The following RELN variants were observed in gnomAD, a reference collection of about 807,000 sequenced individuals.
RELN encodes reelin.
A neutral mutation model predicts 427.6 loss-of-function variants in RELN; 108 were observed. The ratio of observed to expected loss-of-function variants is 0.25; its 90% CI spans 0.22 to 0.30. The LOEUF (loss-of-function observed/expected upper bound fraction) is 0.30, where lower values mean the gene tolerates loss of function less well. RELN is among the 10% of genes least tolerant of loss of function. The probability of loss-of-function intolerance (pLI) is 1.00; values close to 1 mark genes in which losing one functional copy is unlikely to be tolerated. For synonymous variants in RELN, 1,524 were observed against 1,513.4 expected (o/e 1.01, Z -0.16); for missense variants, 3,715 against 4,302.8 (o/e 0.86, Z 3.82).
chr7:103,929,682 C>T (rs925549169), intron 1 of RELN, among the ~76,000 whole-genome samples: 1 of 152,148 alleles, frequency 6.6e-6, no homozygotes, highest in Non-Finnish European at 1.5e-5. Flanking sequence ...ACATCACTAC[C>T]TTCAGCACTT....
intron 20 of RELN, among the ~76,000 whole-genome samples, chr7:103,624,861 TG>T (rs1832295169): frequency 6.6e-6 from 1 of 152,130 alleles, no homozygotes; most frequent in Non-Finnish European, 1.5e-5. Flanking sequence ...GATTTACTTG[TG>T]TTTTAAAAAA....
In RELN at chr7:103,749,454, GGTA is replaced by G; in HGVS notation, c.625_627del (p.Tyr209del). On this transcript the variant is annotated inframe_deletion, in exon 6 of 65. Coordinates refer to ENST00000428762, the MANE Select transcript of RELN (RefSeq NM_005045.4). ...ATATTTGGATTTAATTGCAGTTGGTGGTAGGAGTCAAAGTCATCTCTCAGGATA... is the reference window on the plus strand; with the variant it reads ...ATATTTGGATTTAATTGCAGTTGGTGGGAGTCAAAGTCATCTCTCAGGATA... 6.2e-7 allele frequency: 1 copy of G among 1,613,098 alleles called. No individual in the cohort carries two copies. The highest frequency in any genetic ancestry group is 1.3e-5 in the African/African-American group (1 of 75,000).
At chr7:103,733,442 A>T (rs1432560594) in intron 6 of RELN, among the ~76,000 whole-genome samples, 7 of 134,526 alleles carry the variant, frequency 5.2e-5, no homozygotes, top group Non-Finnish European at 9.8e-5. Context: ...ATTACTGGGT[A>T]TATACCCAAA....
intron 3 of RELN, among the ~76,000 whole-genome samples, chr7:103,781,544 T>A (rs1791890556): frequency 6.6e-6 from 1 of 152,170 alleles, no homozygotes. Context: ...CCACATCCAC[T>A]CTTTTAGCAT....
chr7:103,570,384 T>A (rs146331326), intron 31 of RELN, among the ~76,000 whole-genome samples: 1 of 152,348 alleles, frequency 6.6e-6, no homozygotes, highest in African/African-American at 2.4e-5. Context: ...TTTCAATGTA[T>A]CAAATGTCAC....
At position 103,957,128 on chromosome 7, in the gene RELN, A is replaced by G. The variant is rs559860889; in HGVS notation, c.226+32003T>C. ...GTGTTTGCCTTGGCTTCATCAAGCC[A>G]TTCTCATTGGAAATATTAATGGAAC... On this transcript the variant is annotated intron_variant, in intron 1 of 64. Coordinates refer to ENST00000428762, the MANE Select transcript of RELN (RefSeq NM_005045.4). 2.0e-5 allele frequency among the ~76,000 whole-genome samples: 3 copies of G among 152,324 alleles called. No homozygotes were observed. In the South Asian group the frequency reaches 6.2e-4, roughly 32 times the overall value.
chr7:103,719,234 C>A (rs1416326113), intron 8 of RELN, among the ~76,000 whole-genome samples: 1 of 152,110 alleles, frequency 6.6e-6, no homozygotes, highest in East Asian at 1.9e-4. Flanking sequence ...GGCCCAGTTC[C>A]TCTGCTCTAG....
At chr7:103,944,917 A>G (rs997075660) in intron 1 of RELN, among the ~76,000 whole-genome samples, 4 of 152,144 alleles carry the variant, frequency 2.6e-5, no homozygotes, top group African/African-American at 7.2e-5. Context: ...TTTACCAAAG[A>G]CTTTGAAGGA....
intron 1 of RELN, among the ~76,000 whole-genome samples, chr7:103,940,641 A>C (rs1317306025): frequency 1.3e-5 from 2 of 152,148 alleles, no homozygotes; most frequent in East Asian, 3.9e-4. Flanking sequence ...GCCTGGGAGC[A>C]CCTTGAGGCA....
chr7:103,526,468 A>G (rs1470843786), intron 46 of RELN, among the ~76,000 whole-genome samples: 1 of 152,198 alleles, frequency 6.6e-6, no homozygotes, highest in Non-Finnish European at 1.5e-5. Context: ...GTTAAATGAG[A>G]TGATTTTTAA....
chr7:103,989,022 T>C lies in RELN; in HGVS notation c.226+109A>G, dbSNP rs1394205847. The C allele has an allele frequency of 1.3e-5, 12 of 958,182 alleles. No individual in the cohort carries two copies. Among genetic ancestry groups the C allele is most frequent in the East Asian group, 2.4e-5 (1 of 41,080 alleles). 59.4% of individuals were successfully genotyped at this position (958,182 alleles called of 1,614,324 possible). A position where few individuals can be genotyped will look rare whatever the true frequency, so the allele number is the denominator to read the frequency against. ...ACCAAGCGCATCGCTGGGGCCAGGG[T>C]TGTCATGGTTCTTGTTTCCAAGGCC... On this transcript the variant is annotated intron_variant, in intron 1 of 64. Transcript: ENST00000428762. The surrounding 1 kb of genome is among the most constrained non-coding windows in gnomAD (Gnocchi z 4.9).
chr7:103,643,223 A>T (rs535208637), intron 16 of RELN, among the ~76,000 whole-genome samples: 1 of 152,194 alleles, frequency 6.6e-6, no homozygotes, highest in South Asian at 2.1e-4. Context: ...ACCTCAAATC[A>T]GTGGCTATGC....
chr7:103,577,221 C>A (rs1033076179), intron 28 of RELN, among the ~76,000 whole-genome samples: 3 of 152,144 alleles, frequency 2.0e-5, no homozygotes, highest in Admixed American at 6.6e-5. Context: ...GTGAGGATAA[C>A]ATGGCAAGAT....
At chr7:103,757,424 C>T (rs1474983675) in intron 4 of RELN, among the ~76,000 whole-genome samples, 2 of 152,122 alleles carry the variant, frequency 1.3e-5, no homozygotes, top group Non-Finnish European at 2.9e-5. Context: ...CTGTCTCTCC[C>T]AGGATCCTAG....
In RELN at chr7:103,604,341, C is replaced by T. The variant is rs1468648706; in HGVS notation, c.3146+5G>A. ...GGACCTCATCGTGCTTTCTGGTGCA[C>T]ATACCTGCATATGCCATGATCGCAT... On this transcript the variant is annotated splice_donor_5th_base_variant and intron_variant, in intron 23 of 64. Coordinates refer to ENST00000428762, the MANE Select transcript of RELN (RefSeq NM_005045.4). 5 of 1,613,692 alleles carry T rather than the reference C, an allele frequency of 3.1e-6. No homozygotes were observed. Among genetic ancestry groups the T allele is most frequent in the Non-Finnish European group, 4.2e-6 (5 of 1,179,838 alleles).
At chr7:103,902,150 A>G (rs1031651436) in intron 2 of RELN, among the ~76,000 whole-genome samples, 8 of 152,044 alleles carry the variant, frequency 5.3e-5, no homozygotes, top group Non-Finnish European at 1.0e-4. Flanking sequence ...GGCTAGGGAT[A>G]AACTTCATCA....
In RELN at chr7:103,624,415, T is replaced by A. The variant is rs553339078; in HGVS notation, c.2702+5525A>T. ...ACATACCACTCAATGTTACCCTTTT[T>A]TCCTCATGTCCCACTCTACTTTTTT... On this transcript the variant is annotated intron_variant, in intron 20 of 64. Coordinates refer to ENST00000428762, the MANE Select transcript of RELN (RefSeq NM_005045.4). Among the ~76,000 whole-genome samples the A allele has an allele frequency of 6.3e-4, 96 of 152,184 alleles. No homozygotes were observed. In the Middle Eastern group the frequency reaches 0.01, roughly 16 times the overall value.
intron 40 of RELN, among the ~76,000 whole-genome samples, chr7:103,552,170 A>C (rs963559221): frequency 1.3e-5 from 2 of 152,114 alleles, no homozygotes; most frequent in Non-Finnish European, 2.9e-5. Flanking sequence ...CTTTTTAACC[A>C]TTAGGAAAAC....
intron 3 of RELN, among the ~76,000 whole-genome samples, chr7:103,823,718 C>G (rs1353348487): frequency 5.3e-5 from 8 of 152,024 alleles, no homozygotes; most frequent in Non-Finnish European, 2.9e-5. Context: ...CTTAGAGTTT[C>G]TAATGTGCTT....
Sources: allele counts gnomAD v4.1 joint callset (sites outside exome capture counted in the v4.1 genomes callset), GRCh38; gene constraint gnomAD v4.1.1; non-coding constraint Gnocchi (gnomAD v3.1); transcripts MANE v1.5; gene names NCBI Gene and HGNC (gene_info 2026-07-23, HGNC 2026-07-21).